The following SPMIP10 variants were observed in gnomAD, a reference collection of about 807,000 sequenced individuals.
The protein encoded by SPMIP10 is sperm microtubule inner protein 10.
chr5:126,632,654 G>A, the SPMIP10 span: 2 of 1,552,514 alleles, frequency 1.3e-6, no homozygotes, highest in Non-Finnish European at 8.9e-7. Flanking sequence ...TGAATCTGAA[G>A]GTATTTCCCC....
chr5:126,636,067 A>G, the SPMIP10 span: 1 of 1,614,070 alleles, frequency 6.2e-7, no homozygotes, highest in Admixed American at 1.7e-5. Flanking sequence ...CTGGCCCTTT[A>G]GAAGACTCTC....
At chr5:126,635,171 AATATATAT>A in the SPMIP10 span, among the ~76,000 whole-genome samples, 10 of 140,190 alleles carry the variant, frequency 7.1e-5, no homozygotes, top group African/African-American at 1.3e-4. Flanking sequence ...CCGTCTGTGA[AATATATAT>A]ATATATATAT....
the SPMIP10 span, chr5:126,636,031 G>A: frequency 6.2e-7 from 1 of 1,610,590 alleles, no homozygotes; most frequent in Non-Finnish European, 8.5e-7. Context: ...TTTTCTCTTA[G>A]CAAGCAGAAG....
At chr5:126,633,406 G>T in the SPMIP10 span, among the ~76,000 whole-genome samples, 1 of 151,986 alleles carries the variant, frequency 6.6e-6, no homozygotes, top group Non-Finnish European at 1.5e-5. Flanking sequence ...TGTCATCCAG[G>T]CTGGAGTGCA....
At chr5:126,635,333 C>T in the SPMIP10 span, among the ~76,000 whole-genome samples, 1 of 152,072 alleles carries the variant, frequency 6.6e-6, no homozygotes, top group South Asian at 2.1e-4. Flanking sequence ...ATTCAACAGT[C>T]ATAACAGCAT....
chr5:126,634,532 A>T, the SPMIP10 span, among the ~76,000 whole-genome samples: 1 of 152,222 alleles, frequency 6.6e-6, no homozygotes, highest in Admixed American at 6.5e-5. Flanking sequence ...TGCCCTAAGT[A>T]GCTTCAGCAT....
the SPMIP10 span, among the ~76,000 whole-genome samples, chr5:126,633,655 G>T: frequency 6.6e-6 from 1 of 151,714 alleles, no homozygotes; most frequent in South Asian, 2.1e-4. Flanking sequence ...CCACCACACC[G>T]GGCCTACTTT....
At chr5:126,632,653 A>G in the SPMIP10 span, 9 of 1,554,074 alleles carry the variant, frequency 5.8e-6, no homozygotes, top group East Asian at 2.0e-4. Context: ...GTGAATCTGA[A>G]GGTATTTCCC....
the SPMIP10 span, among the ~76,000 whole-genome samples, chr5:126,632,256 A>AT: frequency 2.3e-5 from 2 of 85,954 alleles, no homozygotes; most frequent in South Asian, 5.5e-4. Flanking sequence ...ACTCCATCTC[A>AT]TTAAAAAAAA....
At chr5:126,634,830 C>T in the SPMIP10 span, among the ~76,000 whole-genome samples, 1 of 152,076 alleles carries the variant, frequency 6.6e-6, no homozygotes, top group Non-Finnish European at 1.5e-5. Context: ...TATTTATCCT[C>T]ACCATTTTTC....
the SPMIP10 span, among the ~76,000 whole-genome samples, chr5:126,631,977 C>T: frequency 6.6e-6 from 1 of 152,012 alleles, no homozygotes; most frequent in Non-Finnish European, 1.5e-5. Context: ...CAAATCTGAC[C>T]TGAGTGTAGA....
the SPMIP10 span, among the ~76,000 whole-genome samples, chr5:126,634,165 C>T: frequency 6.6e-6 from 1 of 152,180 alleles, no homozygotes; most frequent in Admixed American, 6.5e-5. Context: ...GGCGTGGTGG[C>T]TCATGCCTGT....
At chr5:126,632,250 C>T in the SPMIP10 span, among the ~76,000 whole-genome samples, 9 of 94,792 alleles carry the variant, frequency 9.5e-5, no homozygotes, top group South Asian at 8.0e-4. Context: ...TAATGCACTC[C>T]ATCTCATTAA....
the SPMIP10 span, among the ~76,000 whole-genome samples, chr5:126,635,171 A>ATATATATATATATATAT: frequency 7.1e-6 from 1 of 140,166 alleles, no homozygotes; most frequent in East Asian, 2.3e-4. Context: ...CCGTCTGTGA[A>ATATATATATATATATAT]ATATATATAT....
At chr5:126,634,662 T>C in the SPMIP10 span, among the ~76,000 whole-genome samples, 2 of 152,174 alleles carry the variant, frequency 1.3e-5, no homozygotes, top group Non-Finnish European at 2.9e-5. Context: ...ACCTTACTTT[T>C]AGAGTATAAT....
the SPMIP10 span, among the ~76,000 whole-genome samples, chr5:126,633,679 G>A: frequency 5.9e-5 from 9 of 151,978 alleles, no homozygotes; most frequent in South Asian, 2.1e-4. Context: ...TATTTATTTA[G>A]AGACAGGATC....
chr5:126,635,809 C>T, the SPMIP10 span, among the ~76,000 whole-genome samples: 6 of 151,302 alleles, frequency 4.0e-5, no homozygotes, highest in East Asian at 1.9e-4. Flanking sequence ...CTCACAGACG[C>T]GTGCCACGAC....
the SPMIP10 span, among the ~76,000 whole-genome samples, chr5:126,634,016 T>C: frequency 6.6e-6 from 1 of 152,200 alleles, no homozygotes; most frequent in Admixed American, 6.5e-5. Context: ...CCGCAGCCAC[T>C]GTAGAAGATA....
chr5:126,633,824 C>T, the SPMIP10 span, among the ~76,000 whole-genome samples: 5 of 151,854 alleles, frequency 3.3e-5, no homozygotes, highest in East Asian at 1.9e-4. Flanking sequence ...CCACCATGCC[C>T]GGAGAGTTTT....
Sources: gnomAD v4.1 joint callset for allele counts (sites outside exome capture counted in the v4.1 genomes callset) on GRCh38, gnomAD v4.1.1 for gene constraint, MANE v1.5 for transcripts, NCBI Gene and HGNC (gene_info 2026-07-23, HGNC 2026-07-21) for gene names.